The following SGCZ variants were observed in gnomAD, a reference collection of about 807,000 sequenced individuals.
SGCZ encodes zeta-sarcoglycan.
Under a neutral mutation model 41.3 loss-of-function variants are expected in SGCZ, and 40 were observed. The ratio of observed to expected loss-of-function variants is 0.97; its 90% confidence interval spans 0.75 to 1.26. The LOEUF (loss-of-function observed/expected upper bound fraction) is 1.26, where lower values mean the gene tolerates loss of function less well. Among genes scored for constraint, SGCZ ranks in the 50% most tolerant of loss-of-function variants. The pLI is 0.00. For synonymous variants in SGCZ, 206 were observed against 137.5 expected (o/e 1.50, Z -3.49); for missense variants, 552 against 369.8 (o/e 1.49, Z -4.04).
At chr8:14,865,728 A>G (rs949180493) in intron 1 of SGCZ, among the ~76,000 whole-genome samples, 2 of 152,140 alleles carry the variant, frequency 1.3e-5, no homozygotes, top group Non-Finnish European at 2.9e-5. Context: ...ATAAACTTCT[A>G]AAAGGAGTTG....
intron 1 of SGCZ, among the ~76,000 whole-genome samples, chr8:14,794,790 C>T (rs1801071960): frequency 6.6e-6 from 1 of 152,108 alleles, no homozygotes; most frequent in Non-Finnish European, 1.5e-5. Context: ...CATAGAGGGA[C>T]AAATCTGATC....
chr8:14,221,603 T>TA (rs1806196166), intron 4 of SGCZ, among the ~76,000 whole-genome samples: 1 of 152,176 alleles, frequency 6.6e-6, no homozygotes, highest in African/African-American at 2.4e-5. Flanking sequence ...CAATTGTGTA[T>TA]ATGTTAATCC....
chr8:14,162,185 TAATACA>T (rs1254196700), intron 5 of SGCZ, among the ~76,000 whole-genome samples: 1 of 152,132 alleles, frequency 6.6e-6, no homozygotes, highest in African/African-American at 2.4e-5. Flanking sequence ...CAGGCAAAGG[TAATACA>T]AATATCAGAA....
chr8:14,578,738 T>C (rs2117250806), intron 1 of SGCZ, among the ~76,000 whole-genome samples: 1 of 152,288 alleles, frequency 6.6e-6, no homozygotes. Context: ...TAACAGTAAA[T>C]AAAATTTGGA....
intron 3 of SGCZ, among the ~76,000 whole-genome samples, chr8:14,270,422 G>C (rs987491434): frequency 1.3e-5 from 2 of 152,110 alleles, no homozygotes; most frequent in Non-Finnish European, 2.9e-5. Context: ...AAATGTGATA[G>C]TCCTGAGAAA....
intron 1 of SGCZ, among the ~76,000 whole-genome samples, chr8:15,057,898 C>G (rs1011649939): frequency 7.9e-5 from 12 of 152,138 alleles, no homozygotes; most frequent in African/African-American, 2.9e-4. Context: ...TGAATCTCAT[C>G]ACCTAATCTG....
intron 1 of SGCZ, among the ~76,000 whole-genome samples, chr8:14,558,947 C>T (rs1422809066): frequency 6.6e-6 from 1 of 151,772 alleles, no homozygotes; most frequent in Admixed American, 6.6e-5. Flanking sequence ...TGATTAAAAC[C>T]CTCAACAAAA....
At chr8:14,173,347 AAAGG>A (rs1256360779) in intron 4 of SGCZ, among the ~76,000 whole-genome samples, 2 of 152,152 alleles carry the variant, frequency 1.3e-5, no homozygotes, top group Admixed American at 6.6e-5. Context: ...TCAAAGATGT[AAAGG>A]AAGACGGACA....
intron 1 of SGCZ, among the ~76,000 whole-genome samples, chr8:14,785,384 A>C (rs1042106011): frequency 6.6e-6 from 1 of 152,166 alleles, no homozygotes; most frequent in African/African-American, 2.4e-5. Context: ...CAAGTTTGCA[A>C]GGAAACTCTG....
chr8:14,541,541 C>A (rs1803467697), intron 2 of SGCZ, among the ~76,000 whole-genome samples: 1 of 152,042 alleles, frequency 6.6e-6, no homozygotes, highest in African/African-American at 2.4e-5. Flanking sequence ...TCCAGTCTAT[C>A]ATTGATGGGT....
chr8:15,011,683 G>A (rs1403732781), intron 1 of SGCZ, among the ~76,000 whole-genome samples: 1 of 151,948 alleles, frequency 6.6e-6, no homozygotes, highest in Admixed American at 6.6e-5. Context: ...CCCACAAAAG[G>A]TATCATTGCC....
chr8:14,577,765 T>A (rs1206393216), intron 1 of SGCZ, among the ~76,000 whole-genome samples: 1 of 152,202 alleles, frequency 6.6e-6, no homozygotes, highest in African/African-American at 2.4e-5. Context: ...CATTCATCAT[T>A]TTATCTGAAT....
At chr8:14,839,315 A>G (rs375351130) in intron 1 of SGCZ, among the ~76,000 whole-genome samples, 55 of 152,236 alleles carry the variant, frequency 3.6e-4, no homozygotes, top group African/African-American at 1.3e-3. Context: ...GAGAGGTGCA[A>G]TTTACTGAGA....
intron 5 of SGCZ, among the ~76,000 whole-genome samples, chr8:14,110,589 G>GTGAT (rs764172883): frequency 1.3e-5 from 2 of 152,038 alleles, no homozygotes; most frequent in African/African-American, 2.4e-5. Flanking sequence ...AATAATACGA[G>GTGAT]TGATTAACAA....
intron 2 of SGCZ, among the ~76,000 whole-genome samples, chr8:14,492,027 A>G (rs1477919266): frequency 6.6e-6 from 1 of 152,200 alleles, no homozygotes; most frequent in Non-Finnish European, 1.5e-5. Flanking sequence ...TGTTTGTAAA[A>G]ATTAATGCTG....
chr8:14,150,964 C>T lies in SGCZ; in HGVS notation c.547+13616G>A, dbSNP rs569663893. On this transcript the variant is annotated intron_variant, in intron 5 of 7. Coordinates refer to ENST00000382080, the MANE Select transcript of SGCZ (RefSeq NM_139167.4). ...ACATGTTCTCACTTATTTGTGGGACCTAAAAATCACAACAATTGTACTCAT... is the reference window on the plus strand; with the variant it reads ...ACATGTTCTCACTTATTTGTGGGACTTAAAAATCACAACAATTGTACTCAT... Among the ~76,000 whole-genome samples the T allele has an allele frequency of 2.0e-5, 3 of 152,122 alleles. No individual in the cohort carries two copies. In the East Asian group the frequency reaches 5.8e-4, roughly 29 times the overall value.
chr8:14,759,386 C>T (rs1406892545), intron 1 of SGCZ, among the ~76,000 whole-genome samples: 1 of 152,048 alleles, frequency 6.6e-6, no homozygotes, highest in Non-Finnish European at 1.5e-5. Flanking sequence ...GTTGTTTTCT[C>T]AAACTTTAAT....
At chr8:14,600,770 T>C (rs1279783656) in intron 1 of SGCZ, among the ~76,000 whole-genome samples, 1 of 152,210 alleles carries the variant, frequency 6.6e-6, no homozygotes, top group East Asian at 1.9e-4. Flanking sequence ...ACTATTTTAG[T>C]ATTTAAGTAT....
intron 7 of SGCZ, among the ~76,000 whole-genome samples, chr8:14,102,087 T>C (rs1802042037): frequency 3.0e-5 from 3 of 99,738 alleles, no homozygotes; most frequent in African/African-American, 4.4e-5. Flanking sequence ...TATATATATA[T>C]ATATATATAT....
Sources: allele counts gnomAD v4.1 joint callset (sites outside exome capture counted in the v4.1 genomes callset), GRCh38; gene constraint gnomAD v4.1.1; transcripts MANE v1.5; gene names NCBI Gene and HGNC (gene_info 2026-07-23, HGNC 2026-07-21).